DISP1: variants seen among roughly 807,000 people sequenced by gnomAD.
DISP1 encodes the protein dispatched RND transporter family member 1.
In DISP1, 30 loss-of-function variants were observed where a neutral mutation model predicts 37.3. The observed-to-expected ratio is 0.80, with a 90% CI of 0.60 to 1.09. The LOEUF (loss-of-function observed/expected upper bound fraction) is 1.09. Among genes scored for constraint, DISP1 ranks in the 50% least tolerant of loss-of-function variants. The pLI, the probability that DISP1 is intolerant of heterozygous loss-of-function variation, is 0.00. For missense variants in DISP1, 1,598 were observed against 1,879.5 expected (o/e 0.85, Z 2.77); for synonymous variants, 634 against 690.2 (o/e 0.92, Z 1.28).
At chr1:222,875,842 AAAAAG>A (rs1036741115) in intron 1 of DISP1, among the ~76,000 whole-genome samples, 5 of 151,384 alleles carry the variant, frequency 3.3e-5, no homozygotes, top group African/African-American at 1.2e-4. Flanking sequence ...AAAAAAAAAA[AAAAAG>A]AAAGAAAGAA....
At position 222,984,435 on chromosome 1, in the gene DISP1, T is replaced by TAGAGAGAGAGAG. The variant is rs369654102; in HGVS notation, c.539+1339_539+1350dup. Among the ~76,000 whole-genome samples, 487 of 108,358 alleles carry TAGAGAGAGAGAG rather than the reference T, an allele frequency of 4.5e-3. 5 individuals are homozygous for TAGAGAGAGAGAG. The highest frequency in any genetic ancestry group is 5.2e-3 in the African/African-American group (136 of 26,404). The allele number at this position is 108,358 out of a possible 152,430, so 71.1% of individuals were successfully genotyped here. Reference sequence around the variant, plus strand: ...AAAAAAAAAAAAATATATATATATATAGAGAGAGAGAGAGAGAGAGAGAGC... The same window carrying TAGAGAGAGAGAG: ...AAAAAAAAAAAAATATATATATATATAGAGAGAGAGAGAGAGAGAGAGAGAGAGAGAGAGAGC... On this transcript the variant is annotated intron_variant, in intron 4 of 8. Coordinates refer to ENST00000675850, the MANE Select transcript of DISP1 (RefSeq NM_001377229.1).
At chr1:222,974,192 A>G (rs1677154487) in intron 3 of DISP1, among the ~76,000 whole-genome samples, 1 of 152,192 alleles carries the variant, frequency 6.6e-6, no homozygotes, top group Non-Finnish European at 1.5e-5. Context: ...ACAGTGTGGT[A>G]GTAGTACCTT....
At chr1:222,954,332 T>C (rs1478133775) in intron 3 of DISP1, among the ~76,000 whole-genome samples, 2 of 152,234 alleles carry the variant, frequency 1.3e-5, no homozygotes, top group African/African-American at 4.8e-5. Flanking sequence ...CACTACAAAA[T>C]TGTCTTTTTA....
intron 8 of DISP1, among the ~76,000 whole-genome samples, chr1:223,000,594 G>A (rs751467277): frequency 2.8e-4 from 43 of 152,116 alleles, no homozygotes; most frequent in Non-Finnish European, 5.3e-4. Flanking sequence ...AAATTCTCCA[G>A]CATATACAAA....
At chr1:222,850,238 T>A (rs1356274757) in intron 1 of DISP1, among the ~76,000 whole-genome samples, 1 of 152,190 alleles carries the variant, frequency 6.6e-6, no homozygotes, top group Non-Finnish European at 1.5e-5. Context: ...TCCCTCCATT[T>A]TTCTCTCTTT....
chr1:222,951,782 A>G (rs1675240640), intron 3 of DISP1, among the ~76,000 whole-genome samples: 1 of 152,238 alleles, frequency 6.6e-6, no homozygotes, highest in East Asian at 1.9e-4. Flanking sequence ...AAGATGTAGA[A>G]GTAGAGTGGA....
chr1:222,960,144 C>T (rs528663242), intron 3 of DISP1, among the ~76,000 whole-genome samples: 1 of 152,344 alleles, frequency 6.6e-6, no homozygotes, highest in South Asian at 2.1e-4. Flanking sequence ...ATCTACAGAA[C>T]TCTCCATCCC....
At chr1:222,937,870 C>CTGTTT (rs558727320) in intron 2 of DISP1, among the ~76,000 whole-genome samples, 209 of 137,696 alleles carry the variant, frequency 1.5e-3, no homozygotes, top group Non-Finnish European at 2.2e-3. Context: ...TCAACAATAG[C>CTGTTT]TGTTTTGTTT....
Position 222,937,010 on chromosome 1 carries a change from ATTAT to A in DISP1, c.-17-5796_-17-5793del. ...TATATAATATTATATAATATAGAAT[ATTAT>A]ATATTATATATTACATATTATATAA... is the stretch of plus-strand genomic sequence containing the variant. On this transcript the variant is annotated intron_variant, in intron 2 of 8. Transcript: ENST00000675850. Among the ~76,000 whole-genome samples, 3 of 108,960 alleles carry A rather than the reference ATTAT, an allele frequency of 2.8e-5. 1 individual carries two copies. The highest frequency in any genetic ancestry group is 1.0e-4 in the African/African-American group (3 of 28,692). The allele number at this position is 108,960 out of a possible 152,430, so 71.5% of individuals were successfully genotyped here.
intron 4 of DISP1, among the ~76,000 whole-genome samples, chr1:222,986,657 C>T (rs116429809): frequency 0.015 from 2,261 of 152,294 alleles, 49 homozygotes; most frequent in South Asian, 0.097. Flanking sequence ...ACTTCTGTTC[C>T]TTCTTCTGTA....
At chr1:222,824,917 G>A (rs1663927515) in intron 1 of DISP1, among the ~76,000 whole-genome samples, 1 of 152,142 alleles carries the variant, frequency 6.6e-6, no homozygotes, top group Non-Finnish European at 1.5e-5. Context: ...GGATAATGGA[G>A]GGTAATGATG....
At chr1:222,922,871 T>C (rs1460916502) in intron 1 of DISP1, among the ~76,000 whole-genome samples, 1 of 152,128 alleles carries the variant, frequency 6.6e-6, no homozygotes, top group East Asian at 1.9e-4. Context: ...TAGAGAATGT[T>C]AGGATAATGG....
Position 223,004,186 on chromosome 1 carries a change from C to A in DISP1, c.2789C>A (p.Thr930Asn). 6.2e-7 allele frequency: 1 copy of A among 1,614,152 alleles called. No homozygotes were observed. The highest frequency in any genetic ancestry group is 8.5e-7 in the Non-Finnish European group (1 of 1,180,020). ...GCAGTGGTGTTAGAGTTCCAGAGTACCTACCTCTTCACACTGGCTTATGAA... is the reference window on the plus strand; with the variant it reads ...GCAGTGGTGTTAGAGTTCCAGAGTAACTACCTCTTCACACTGGCTTATGAA... ...IRAVVLEFQSTYLFTLAYEKM... is the reference protein window; with the variant it reads ...IRAVVLEFQSNYLFTLAYEKM... The change falls in exon 9 of 9, where the codon ACC becomes AAC. Residue 930 changes from threonine (T) to asparagine (N), a missense_variant. By Grantham distance (65) the Thr-to-Asn change is moderately conservative (BLOSUM62 0). Coordinates refer to ENST00000675850, the MANE Select transcript of DISP1 (RefSeq NM_001377229.1). The surrounding 1 kb of genome is among the most constrained non-coding windows in gnomAD (Gnocchi z 4.9).
At chr1:222,990,861 C>T in intron 5 of DISP1, 113 bp downstream of exon 5, 38 of 1,379,056 alleles carry the variant, frequency 2.8e-5, no homozygotes, top group Non-Finnish European at 3.9e-5. Flanking sequence ...CCTTCTCAAG[C>T]AACAATTCTC....
At chr1:222,911,622 C>G (rs1008489513) in intron 1 of DISP1, among the ~76,000 whole-genome samples, 1 of 152,106 alleles carries the variant, frequency 6.6e-6, no homozygotes, top group Non-Finnish European at 1.5e-5. Context: ...ATTGCTCAAA[C>G]AATCCTTCTG....
intron 2 of DISP1, among the ~76,000 whole-genome samples, chr1:222,932,668 G>A (rs1056441801): frequency 2.6e-5 from 4 of 151,974 alleles, no homozygotes; most frequent in Admixed American, 1.3e-4. Flanking sequence ...AAAGAGGAGC[G>A]CAAAGCTATG....
At chr1:222,816,791 A>G (rs1558273471) in intron 1 of DISP1, among the ~76,000 whole-genome samples, 1 of 152,210 alleles carries the variant, frequency 6.6e-6, no homozygotes, top group Non-Finnish European at 1.5e-5. Context: ...TCAAATTACA[A>G]AATGAAGAGA....
chr1:222,856,083 C>A (rs552272155), intron 1 of DISP1, among the ~76,000 whole-genome samples: 4 of 152,108 alleles, frequency 2.6e-5, no homozygotes, highest in African/African-American at 9.7e-5. Flanking sequence ...TATTTTTTAT[C>A]GAGTTCAAAT....
intron 3 of DISP1, 139 bp downstream of exon 3, chr1:222,943,471 G>T: frequency 1.7e-6 from 2 of 1,208,636 alleles, no homozygotes; most frequent in Non-Finnish European, 2.4e-6. Context: ...TGTGGATTGT[G>T]TGAAGCCAAC....
Sources: gnomAD v4.1 joint callset for allele counts (sites outside exome capture counted in the v4.1 genomes callset) on GRCh38, gnomAD v4.1.1 for gene constraint, Gnocchi (gnomAD v3.1) non-coding constraint, MANE v1.5 for transcripts, NCBI Gene and HGNC (gene_info 2026-07-23, HGNC 2026-07-21) for gene names.